The following PTPRG variants were observed in gnomAD, a reference collection of about 807,000 sequenced individuals.
PTPRG encodes the protein receptor-type tyrosine-protein phosphatase gamma.
A neutral mutation model predicts 165.3 loss-of-function variants in PTPRG; 102 were observed. The ratio of observed to expected loss-of-function variants is 0.62; its 90% CI spans 0.53 to 0.73. The LOEUF (loss-of-function observed/expected upper bound fraction) is 0.73, where lower values mean the gene tolerates loss of function less well. Ranked by LOEUF, PTPRG falls within the 30% of genes least tolerant of loss-of-function variation. The pLI is 0.00. For synonymous variants in PTPRG, 675 were observed against 669.5 expected (o/e 1.01, Z -0.13); for missense variants, 1,866 against 1,861.4 (o/e 1.00, Z -0.05).
chr3:61,885,672 CT>C (rs1559669082), intron 2 of PTPRG, among the ~76,000 whole-genome samples: 21 of 68,128 alleles, frequency 3.1e-4, no homozygotes, highest in Non-Finnish European at 4.9e-4. Context: ...CTCTCCTCTC[CT>C]CTCCTCTCCT....
intron 3 of PTPRG, among the ~76,000 whole-genome samples, chr3:62,000,164 A>G (rs1575870469): frequency 6.6e-6 from 1 of 151,474 alleles, no homozygotes; most frequent in African/African-American, 2.4e-5. Context: ...TTATTTGAGC[A>G]TGGCTACTCA....
At position 61,923,514 on chromosome 3, in the gene PTPRG, G is replaced by T. The variant is rs200059481; in HGVS notation, c.191-66111G>T. ...GCTGGTGTGCTGCACCCATTAACTC[G>T]TCATTTAGCATTAGGTATATCTCCT... On this transcript the variant is annotated intron_variant, in intron 2 of 29. Coordinates refer to ENST00000474889, the MANE Select transcript of PTPRG (RefSeq NM_002841.4). Among the ~76,000 whole-genome samples the T allele has an allele frequency of 6.0e-5, 9 of 151,110 alleles. No homozygotes were observed. The South Asian group carries it at 1.5e-3, about 25-fold the overall frequency.
intron 2 of PTPRG, among the ~76,000 whole-genome samples, chr3:61,773,975 A>G (rs1575652994): frequency 6.6e-6 from 1 of 151,978 alleles, no homozygotes; most frequent in South Asian, 2.1e-4. Context: ...GGGTTTCACC[A>G]CATTGGCCAG....
chr3:61,595,555 C>G (rs1001232582), intron 1 of PTPRG, among the ~76,000 whole-genome samples: 1 of 152,156 alleles, frequency 6.6e-6, no homozygotes, highest in East Asian at 1.9e-4. Context: ...ATTTTGGTAA[C>G]TTTAGTAGTT....
intron 7 of PTPRG, among the ~76,000 whole-genome samples, chr3:62,164,123 G>A (rs533062282): frequency 1.2e-4 from 18 of 152,298 alleles, no homozygotes; most frequent in African/African-American, 4.3e-4. Flanking sequence ...GACCCAGAAA[G>A]ACACAACTTT....
intron 4 of PTPRG, among the ~76,000 whole-genome samples, chr3:62,010,392 G>GTGTGTGTGTGTA (rs2107736782): frequency 6.6e-6 from 1 of 151,976 alleles, no homozygotes; most frequent in South Asian, 2.1e-4. Flanking sequence ...GTGTGTGTGT[G>GTGTGTGTGTGTA]TGTGTATAAG....
At chr3:61,565,078 A>G (rs1699874229) in intron 1 of PTPRG, among the ~76,000 whole-genome samples, 1 of 152,242 alleles carries the variant, frequency 6.6e-6, no homozygotes, top group East Asian at 1.9e-4. Context: ...TCTCAGAATC[A>G]TAACTCAGCA....
At chr3:61,835,640 C>T (rs1293530755) in intron 2 of PTPRG, among the ~76,000 whole-genome samples, 1 of 152,056 alleles carries the variant, frequency 6.6e-6, no homozygotes, top group East Asian at 1.9e-4. Context: ...CCCGTTCCTG[C>T]TATTTAAGTC....
intron 1 of PTPRG, among the ~76,000 whole-genome samples, chr3:61,581,853 G>A (rs1441461820): frequency 1.3e-5 from 2 of 151,960 alleles, no homozygotes; most frequent in Admixed American, 6.5e-5. Context: ...TAAGTGATCT[G>A]CTCACCTCAG....
In PTPRG at chr3:61,903,841, G is replaced by A. The variant is rs1482997098; in HGVS notation, c.191-85784G>A. Among the ~76,000 whole-genome samples the A allele has an allele frequency of 2.0e-5, 3 of 152,296 alleles. No homozygotes were observed. The South Asian group carries it at 6.2e-4, about 32-fold the overall frequency. ...TTACAATCAGGTCATATGGTGGTCT[G>A]TACTTAATTATTTTTATATTTTATT... On this transcript the variant is annotated intron_variant, in intron 2 of 29. Transcript: ENST00000474889.
intron 2 of PTPRG, among the ~76,000 whole-genome samples, chr3:61,853,198 A>G (rs2037013687): frequency 6.6e-6 from 1 of 152,208 alleles, no homozygotes; most frequent in African/African-American, 2.4e-5. Context: ...GGGGTTTGAG[A>G]AAATGGAAAT....
chr3:61,669,409 C>G (rs1702903178), intron 1 of PTPRG, among the ~76,000 whole-genome samples: 1 of 145,828 alleles, frequency 6.9e-6, no homozygotes. Context: ...ATGTGTCTGT[C>G]CCTAGTAATG....
rs1700538873 is a variant in PTPRG at position 62,217,422 on chromosome 3, T to G, written c.2156-1429T>G. The stretch of plus-strand genomic sequence containing the variant: ...GCATCGTAACACACTTCTTCCTGAC[T>G]CGGGAGTCTTGCCTCTTTAAAAATC... On this transcript the variant is annotated intron_variant, in intron 12 of 29. Transcript: ENST00000474889. This position sits in a 1 kb window ranked among gnomAD's most constrained non-coding sequence, Gnocchi z 4.3. Among the ~76,000 whole-genome samples, 1 of 152,220 alleles carries G rather than the reference T, an allele frequency of 6.6e-6. No individual in the cohort carries two copies. The highest frequency in any genetic ancestry group is 1.5e-5 in the Non-Finnish European group (1 of 68,042).
chr3:61,880,663 G>A (rs2037863521), intron 2 of PTPRG, among the ~76,000 whole-genome samples: 1 of 150,534 alleles, frequency 6.6e-6, no homozygotes, highest in Admixed American at 6.6e-5. Context: ...CCTATGGCCA[G>A]GTGATGAGGT....
chr3:61,998,850 C>T lies in PTPRG; in HGVS notation c.371-4499C>T, dbSNP rs576318097. ...TGTCTTTGCTCTTAGCCCATCTGTC[C>T]TAGTTAGTTCAGGCTGCTGTAACAA... On this transcript the variant is annotated intron_variant, in intron 3 of 29. Coordinates refer to ENST00000474889, the MANE Select transcript of PTPRG (RefSeq NM_002841.4). 5.9e-5 allele frequency among the ~76,000 whole-genome samples: 9 copies of T among 152,310 alleles called. No individual in the cohort carries two copies. In the South Asian group the frequency reaches 1.7e-3, roughly 28 times the overall value.
intron 2 of PTPRG, among the ~76,000 whole-genome samples, chr3:61,940,339 G>A (rs955188198): frequency 1.3e-5 from 2 of 152,166 alleles, no homozygotes; most frequent in Non-Finnish European, 2.9e-5. Flanking sequence ...GCAAAATACT[G>A]AGTGCGTAAT....
chr3:61,942,747 C>T (rs1337858290), intron 2 of PTPRG, among the ~76,000 whole-genome samples: 5 of 152,208 alleles, frequency 3.3e-5, no homozygotes, highest in Non-Finnish European at 1.5e-5. Flanking sequence ...AACATAGAAA[C>T]TTTGCCCCAA....
At chr3:62,209,107 G>A (rs1214964832) in intron 12 of PTPRG, among the ~76,000 whole-genome samples, 1 of 152,216 alleles carries the variant, frequency 6.6e-6, no homozygotes, top group Non-Finnish European at 1.5e-5. Context: ...ATATTTTAAT[G>A]TGTGCTTTTA....
intron 2 of PTPRG, among the ~76,000 whole-genome samples, chr3:61,772,229 T>C (rs976204774): frequency 6.6e-6 from 1 of 152,016 alleles, no homozygotes; most frequent in Non-Finnish European, 1.5e-5. Context: ...GTGTAAAATA[T>C]GTTCTTGGAG....
Sources: gnomAD v4.1 joint callset for allele counts (sites outside exome capture counted in the v4.1 genomes callset) on GRCh38, gnomAD v4.1.1 for gene constraint, Gnocchi (gnomAD v3.1) non-coding constraint, MANE v1.5 for transcripts, NCBI Gene and HGNC (gene_info 2026-07-23, HGNC 2026-07-21) for gene names.